The following LINGO2 variants were observed in gnomAD, a reference collection of about 807,000 sequenced individuals.
LINGO2 encodes leucine rich repeat and Ig domain containing 2, also known as leucine-rich repeat and immunoglobulin-like domain-containing nogo receptor-interacting protein 2.
LINGO2 carries 14 observed loss-of-function variants against 30.6 expected under a neutral mutation model. The ratio of observed to expected loss-of-function variants is 0.46; its 90% CI spans 0.30 to 0.72. The LOEUF is 0.72. Among genes scored for constraint, LINGO2 ranks in the 30% least tolerant of loss-of-function variants. LINGO2 has a pLI of 0.07. For missense variants in LINGO2, 729 were observed against 751.7 expected, an observed-to-expected ratio of 0.97 and a Z score of 0.35; for synonymous variants, 317 against 288.5, an observed-to-expected ratio of 1.10 and a Z score of -1.00.
At chr9:28,967,837 C>A in the LINGO2 span, among the ~76,000 whole-genome samples, 2 of 152,010 alleles carry the variant, frequency 1.3e-5, no homozygotes, top group Non-Finnish European at 2.9e-5. Context: ...TAGCAGAGAG[C>A]GAGAAAGAGA....
the LINGO2 span, among the ~76,000 whole-genome samples, chr9:29,181,331 A>AGATTTCTATTGTTAGATTTCTATT: frequency 2.0e-5 from 3 of 152,192 alleles, no homozygotes; most frequent in Admixed American, 6.5e-5. Context: ...ACACAAAGTG[A>AGATTTCTATTGTTAGATTTCTATT]CTTTATTATT....
At chr9:28,905,200 C>T in the LINGO2 span, among the ~76,000 whole-genome samples, 838 of 150,972 alleles carry the variant, frequency 5.6e-3, 8 homozygotes, top group African/African-American at 0.019. Flanking sequence ...GGAAGCTCCA[C>T]GCCATTGGTC....
chr9:28,108,761 C>A (rs1324778434), intron 4 of LINGO2, among the ~76,000 whole-genome samples: 1 of 152,090 alleles, frequency 6.6e-6, no homozygotes, highest in Non-Finnish European at 1.5e-5. Context: ...ATTCTGAACA[C>A]TTAGTTCTTT....
intron 4 of LINGO2, among the ~76,000 whole-genome samples, chr9:28,156,931 C>G (rs1265705617): frequency 6.6e-6 from 1 of 152,208 alleles, no homozygotes; most frequent in Non-Finnish European, 1.5e-5. Flanking sequence ...ACCCCTGTGG[C>G]TTTGTAGGGT....
intron 5 of LINGO2, among the ~76,000 whole-genome samples, chr9:27,972,982 C>T (rs933388972): frequency 2.0e-5 from 3 of 152,174 alleles, no homozygotes; most frequent in African/African-American, 7.2e-5. Flanking sequence ...TTTTCTCTCC[C>T]TCTCTTCTTG....
At chr9:28,825,729 G>C in the LINGO2 span, among the ~76,000 whole-genome samples, 1 of 152,044 alleles carries the variant, frequency 6.6e-6, no homozygotes, top group Non-Finnish European at 1.5e-5. Context: ...CTTATAGCCT[G>C]CTTTCTATGC....
At chr9:28,824,761 T>A in the LINGO2 span, among the ~76,000 whole-genome samples, 1 of 152,148 alleles carries the variant, frequency 6.6e-6, no homozygotes, top group African/African-American at 2.4e-5. Context: ...AGACCCAGTA[T>A]GAATGCAGCA....
intron 4 of LINGO2, among the ~76,000 whole-genome samples, chr9:28,123,017 A>G (rs1170649277): frequency 6.6e-6 from 1 of 152,016 alleles, no homozygotes; most frequent in Admixed American, 6.5e-5. Flanking sequence ...TTGGTTTTCT[A>G]TCTTTGGACC....
At chr9:29,025,937 C>T in the LINGO2 span, among the ~76,000 whole-genome samples, 1 of 152,136 alleles carries the variant, frequency 6.6e-6, no homozygotes, top group South Asian at 2.1e-4. Flanking sequence ...AAATGTCTCC[C>T]AGGTTAATCC....
chr9:28,059,458 G>C (rs1393800408), intron 4 of LINGO2, among the ~76,000 whole-genome samples: 1 of 151,992 alleles, frequency 6.6e-6, no homozygotes, highest in African/African-American at 2.4e-5. Context: ...TGTTGGGTCT[G>C]ATCACCCCAA....
the LINGO2 span, among the ~76,000 whole-genome samples, chr9:29,053,393 A>T: frequency 6.6e-6 from 1 of 152,110 alleles, no homozygotes; most frequent in Non-Finnish European, 1.5e-5. Flanking sequence ...ATGTGTTCTC[A>T]TTGTTCAATT....
the LINGO2 span, among the ~76,000 whole-genome samples, chr9:28,729,220 G>A: frequency 1.3e-5 from 2 of 151,940 alleles, no homozygotes; most frequent in Non-Finnish European, 2.9e-5. Context: ...AGCCCAAGAA[G>A]AAAGACCAGA....
At chr9:28,050,598 C>T (rs1147819) in intron 4 of LINGO2, among the ~76,000 whole-genome samples, 144,647 of 150,468 alleles carry the variant, frequency 0.96, 69,780 homozygotes, top group South Asian at 0.99. Context: ...TAAAAGAACA[C>T]TACTATGCTA....
intron 2 of LINGO2, among the ~76,000 whole-genome samples, chr9:28,463,067 C>T (rs754706971): frequency 1.2e-4 from 19 of 152,004 alleles, no homozygotes; most frequent in Middle Eastern, 3.4e-3. Context: ...TTCTGTTTTA[C>T]ACTATTATCC....
the LINGO2 span, among the ~76,000 whole-genome samples, chr9:29,042,028 T>C: frequency 6.6e-6 from 1 of 151,798 alleles, no homozygotes; most frequent in East Asian, 1.9e-4. Context: ...AAATAGAAAA[T>C]AAACACATAT....
chr9:29,038,911 A>C, the LINGO2 span, among the ~76,000 whole-genome samples: 1 of 152,176 alleles, frequency 6.6e-6, no homozygotes, highest in Non-Finnish European at 1.5e-5. Flanking sequence ...AATGGTGTCT[A>C]CTGACTTTAT....
the LINGO2 span, among the ~76,000 whole-genome samples, chr9:29,079,882 T>C: frequency 0.027 from 4,121 of 152,052 alleles, 200 homozygotes; most frequent in African/African-American, 0.095. Context: ...ATAAGAAAAA[T>C]AGTTTATTAT....
At chr9:28,327,184 C>G (rs10757727) in intron 3 of LINGO2, among the ~76,000 whole-genome samples, 81,723 of 151,824 alleles carry the variant, frequency 0.54, 22,292 homozygotes, top group African/African-American at 0.6. Context: ...CATTCTGCTG[C>G]TGCCTTAATT....
intron 5 of LINGO2, among the ~76,000 whole-genome samples, chr9:27,992,358 G>A (rs1327259492): frequency 1.3e-5 from 2 of 152,100 alleles, no homozygotes; most frequent in African/African-American, 2.4e-5. Context: ...ATCATGATGT[G>A]TTGGTTCAAT....
Sources: gnomAD v4.1 joint callset for allele counts (sites outside exome capture counted in the v4.1 genomes callset) on GRCh38, gnomAD v4.1.1 for gene constraint, MANE v1.5 for transcripts, NCBI Gene and HGNC (gene_info 2026-07-23, HGNC 2026-07-21) for gene names.